Variants in NEB observed in about 807,000 individuals in gnomAD.
NEB encodes the protein nemaline myopathy type 2.
A neutral mutation model predicts 952.2 loss-of-function variants in NEB; 512 were observed. The ratio of observed to expected loss-of-function variants is 0.54; its 90% CI spans 0.50 to 0.58. The LOEUF is 0.58. Ranked by LOEUF, NEB falls within the 20% of genes least tolerant of loss-of-function variation. The pLI is 0.00. For synonymous variants in NEB, 2,900 were observed against 3,149.8 expected, an observed-to-expected ratio of 0.92 and a Z score of 2.66; for missense variants, 8,428 against 9,231.1, an observed-to-expected ratio of 0.91 and a Z score of 3.56.
At position 151,496,352 on chromosome 2, in the gene NEB, T is replaced by C; in HGVS notation, c.24410A>G (p.Asn8137Ser). 1.2e-6 allele frequency: 2 copies of C among 1,610,110 alleles called. No homozygotes were observed. Among genetic ancestry groups the C allele is most frequent in the Non-Finnish European group, 1.7e-6 (2 of 1,177,780 alleles). ...AGCTAAAGGAGTTCCCTTGCCCATG[T>C]TTTCTTTGTATAACACCTGTGCGAT... ...ENISSVLYKE[N>S]MGKGTPLAVT... The change falls in exon 173 of 182, where the codon AAC (asparagine) becomes AGC (serine). Residue 8137 changes from asparagine to serine, a missense_variant. Coordinates refer to ENST00000397345, the MANE Select transcript of NEB (RefSeq NM_001164508.2).
At chr2:151,570,678 C>T in intron 107 of NEB, 77 bp from the exon 108 acceptor site, 1 of 1,309,318 alleles carries the variant, frequency 7.6e-7, no homozygotes, top group African/African-American at 1.5e-5. Flanking sequence ...GGAATTAATA[C>T]CACAGGGGCA....
At position 151,656,242 on chromosome 2, in the gene NEB, T is replaced by TA. The variant is rs1196633118; in HGVS notation, c.6405dup (p.Asn2136Ter). ...TACTTGTGAATCAGGTGCTTGTAGT[T>TA]AGTGTTGGTGATGTTGGCTTGGGCA... On this transcript the variant is annotated frameshift_variant, in exon 49 of 182. Coordinates refer to ENST00000397345, the MANE Select transcript of NEB (RefSeq NM_001164508.2). LOFTEE classifies it high-confidence loss of function. 1.2e-6 allele frequency: 2 copies of TA among 1,613,414 alleles called. No individual in the cohort carries two copies. The highest frequency in any genetic ancestry group is 1.1e-5 in the South Asian group (1 of 91,028).
chr2:151,647,387 G>A (rs2098974398), intron 54 of NEB, among the ~76,000 whole-genome samples: 4 of 152,132 alleles, frequency 2.6e-5, no homozygotes, highest in Admixed American at 2.6e-4. Context: ...TGGGATTACA[G>A]GTGTGAGCCA....
At chr2:151,707,304 G>T (rs913710866) in intron 12 of NEB, among the ~76,000 whole-genome samples, 1 of 152,156 alleles carries the variant, frequency 6.6e-6, no homozygotes, top group Admixed American at 6.5e-5. Flanking sequence ...GAGAGATACA[G>T]AAATAATAGG....
intron 8 of NEB, among the ~76,000 whole-genome samples, chr2:151,723,746 C>CTTTTTT (rs1336447502): frequency 1.8e-5 from 1 of 55,918 alleles, no homozygotes; most frequent in Non-Finnish European, 3.7e-5. Flanking sequence ...TACCTGCCTT[C>CTTTTTT]TTTGTTTTTT....
chr2:151,696,718 A>T lies in NEB; in HGVS notation c.1488T>A (p.His496Gln), dbSNP rs1200946587. 1 of 1,613,790 alleles carries T rather than the reference A, an allele frequency of 6.2e-7. No individual in the cohort carries two copies. Among genetic ancestry groups the T allele is most frequent in the South Asian group, 1.1e-5 (1 of 91,060 alleles). Residue 496 changes from histidine (H) to glutamine (Q), a missense_variant, in exon 17 of 182, where the codon CAT becomes CAA. Transcript: ENST00000397345. ...CTTGGGTGAATTTTGTCTTATCTGG[A>T]TGGACTTTGTAGGTGTGCTGTGGGG... is the stretch of plus-strand genomic sequence containing the variant. ...DQCKDHTYKV[H>Q]PDKTKFTQVT...
At chr2:151,730,860 T>G (rs2099806196) in intron 3 of NEB, among the ~76,000 whole-genome samples, 1 of 152,176 alleles carries the variant, frequency 6.6e-6, no homozygotes, top group South Asian at 2.1e-4. Context: ...ATTCTTGTGC[T>G]TTCTTTACTC....
intron 36 of NEB, among the ~76,000 whole-genome samples, chr2:151,673,026 G>A (rs536660515): frequency 1.3e-5 from 2 of 152,160 alleles, no homozygotes; most frequent in South Asian, 2.1e-4. Flanking sequence ...CATAGGTTTC[G>A]ATTTAATATG....
intron 181 of NEB, among the ~76,000 whole-genome samples, chr2:151,487,058 C>T (rs188057733): frequency 3.5e-4 from 53 of 152,038 alleles, no homozygotes; most frequent in Admixed American, 2.2e-3. Context: ...TGTGTGTGTG[C>T]GCATGTGCGT....
chr2:151,635,894 A>T (rs527930624), intron 64 of NEB, among the ~76,000 whole-genome samples: 21 of 152,296 alleles, frequency 1.4e-4, no homozygotes, highest in African/African-American at 4.8e-4. Flanking sequence ...TTTATGAGTT[A>T]TATCTTCTAT....
chr2:151,494,308 C>A, intron 173 of NEB, 55 bp from the exon 174 acceptor site: 1 of 1,209,132 alleles, frequency 8.3e-7, no homozygotes, highest in South Asian at 1.4e-5. Context: ...TAACAGTTAC[C>A]AAAAAAGGAA....
chr2:151,694,431 C>T lies in NEB; in HGVS notation c.1788G>A (p.Met596Ile), dbSNP rs776098209. The T allele has an allele frequency of 6.2e-7, 1 of 1,613,370 alleles. No homozygotes were observed. The highest frequency in any genetic ancestry group is 1.1e-5 in the South Asian group (1 of 91,050). Residue 596 changes from methionine to isoleucine, a missense_variant, in exon 20 of 182, where the codon ATG becomes ATA. Physicochemically the swap from Met to Ile is conservative, Grantham distance 10. Coordinates refer to ENST00000397345, the MANE Select transcript of NEB (RefSeq NM_001164508.2). ...TGTTTTTTTCATAGTCTTTCTTGTA[C>T]ATCACCTGCAAAGACATCACACATG... ...KANTKNTSDV[M>I]YKKDYEKNKG...
chr2:151,721,377 A>T (rs1213798973), intron 9 of NEB, among the ~76,000 whole-genome samples: 1 of 152,020 alleles, frequency 6.6e-6, no homozygotes, highest in Non-Finnish European at 1.5e-5. Flanking sequence ...GTGCCCTCCA[A>T]ATGAGGCACT....
At chr2:151,707,905 A>T (rs2099721095) in intron 12 of NEB, among the ~76,000 whole-genome samples, 1 of 151,952 alleles carries the variant, frequency 6.6e-6, no homozygotes, top group East Asian at 1.9e-4. Flanking sequence ...TGCTACAGTA[A>T]TGGGAGACTC....
intron 181 of NEB, chr2:151,486,527 G>A: frequency 6.6e-6 from 1 of 152,584 alleles, no homozygotes; most frequent in Non-Finnish European, 1.5e-5. Context: ...TGAAGACATA[G>A]GTCTGCACAA....
intron 18 of NEB, among the ~76,000 whole-genome samples, chr2:151,695,013 T>C (rs1179167607): frequency 6.6e-6 from 1 of 152,212 alleles, no homozygotes; most frequent in Non-Finnish European, 1.5e-5. Context: ...ATCATTACAA[T>C]ACTCAGTGAT....
intron 124 of NEB, among the ~76,000 whole-genome samples, chr2:151,556,283 G>A (rs2095644048): frequency 1.3e-5 from 2 of 152,098 alleles, no homozygotes; most frequent in Non-Finnish European, 1.5e-5. Context: ...AGAACAGAAT[G>A]GAAATTATCA....
chr2:151,663,475 C>T (rs1176757308), intron 45 of NEB, 73 bp downstream of exon 45: 8 of 1,408,492 alleles, frequency 5.7e-6, no homozygotes, highest in South Asian at 2.9e-5. Flanking sequence ...ATTTTCAAAA[C>T]GTCATTGCTT....
intron 73 of NEB, 78 bp downstream of exon 73, chr2:151,619,373 T>G: frequency 7.3e-7 from 1 of 1,367,988 alleles, no homozygotes; most frequent in Non-Finnish European, 1.0e-6. Flanking sequence ...AAATTGCAGT[T>G]CATTGGCACT....
Sources: gnomAD v4.1 joint callset for allele counts (sites outside exome capture counted in the v4.1 genomes callset) on GRCh38, gnomAD v4.1.1 for gene constraint, MANE v1.5 for transcripts, NCBI Gene and HGNC (gene_info 2026-07-23, HGNC 2026-07-21) for gene names.